The following CNTLN variants were observed in gnomAD, a reference collection of about 807,000 sequenced individuals.
CNTLN encodes centlein.
CNTLN carries 212 observed loss-of-function variants against 180.0 expected under a neutral mutation model. That is an observed-to-expected ratio of 1.18 (90% CI 1.05 to 1.32). CNTLN has a LOEUF of 1.32. Ranked by LOEUF, CNTLN falls within the 40% of genes most tolerant of loss-of-function variation. CNTLN has a pLI of 0.00. For synonymous variants in CNTLN, 722 were observed against 563.1 expected (o/e 1.28, Z -3.99); for missense variants, 2,095 against 1,610.9 (o/e 1.30, Z -5.14).
intron 7 of CNTLN, among the ~76,000 whole-genome samples, chr9:17,308,368 C>T (rs1408463423): frequency 6.6e-6 from 1 of 152,198 alleles, no homozygotes; most frequent in Admixed American, 6.5e-5. Flanking sequence ...ACAAATCCAT[C>T]CTCTTAATCC....
intron 18 of CNTLN, among the ~76,000 whole-genome samples, chr9:17,443,950 A>T (rs1351681409): frequency 6.6e-6 from 1 of 152,218 alleles, no homozygotes; most frequent in African/African-American, 2.4e-5. Context: ...TTTGGTCAAC[A>T]GTGTCAGATC....
At chr9:17,499,206 C>G (rs1588121213) in intron 25 of CNTLN, among the ~76,000 whole-genome samples, 1 of 152,126 alleles carries the variant, frequency 6.6e-6, no homozygotes, top group South Asian at 2.1e-4. Flanking sequence ...GAGCTACATG[C>G]TGAGAATTGA....
In CNTLN at chr9:17,502,559, T is replaced by A; in HGVS notation, c.4128T>A (p.Phe1376Leu). 7.2e-7 allele frequency: 1 copy of A among 1,380,686 alleles called. No homozygotes were observed. Among genetic ancestry groups the A allele is most frequent in the Non-Finnish European group, 9.9e-7 (1 of 1,007,694 alleles). The allele number at this position is 1,380,686 out of a possible 1,614,324, so 85.5% of individuals were successfully genotyped here. A position where few individuals can be genotyped will look rare whatever the true frequency, so the allele number is the denominator to read the frequency against. Residue 1376 changes from phenylalanine to leucine, a missense_variant, in exon 26 of 26, where the codon TTT becomes TTA. Transcript: ENST00000380647. Reference sequence around the variant, plus strand: ...TTGTGTTTCTTTTACAGCTTCCTTTTGCCTCATATTTACTAGAAGCAGTAC... The same window carrying A: ...TTGTGTTTCTTTTACAGCTTCCTTTAGCCTCATATTTACTAGAAGCAGTAC... The part of the protein sequence containing the change: ...IQKLLEGQLP[F>L]ASYLLEAVLE...
intron 12 of CNTLN, among the ~76,000 whole-genome samples, chr9:17,349,722 CTA>C (rs1424291300): frequency 6.6e-6 from 1 of 152,084 alleles, no homozygotes; most frequent in African/African-American, 2.4e-5. Context: ...CATATCATAA[CTA>C]TATTTTAATA....
intron 2 of CNTLN, among the ~76,000 whole-genome samples, chr9:17,225,893 T>G (rs917690501): frequency 3.3e-5 from 5 of 152,018 alleles, no homozygotes; most frequent in African/African-American, 1.2e-4. Context: ...ATATGAAAGC[T>G]TAAATTAACA....
intron 9 of CNTLN, among the ~76,000 whole-genome samples, chr9:17,331,046 T>G (rs1022410787): frequency 5.9e-5 from 9 of 152,110 alleles, no homozygotes; most frequent in African/African-American, 1.9e-4. Flanking sequence ...CTATACCCAT[T>G]TTGTCAGTAA....
intron 6 of CNTLN, among the ~76,000 whole-genome samples, chr9:17,274,888 G>T (rs1385111798): frequency 6.6e-6 from 1 of 151,944 alleles, no homozygotes; most frequent in Non-Finnish European, 1.5e-5. Context: ...AATTTAGTTT[G>T]GATGAAAACT....
chr9:17,485,918 C>T (rs1016165396), intron 24 of CNTLN, among the ~76,000 whole-genome samples: 1 of 152,042 alleles, frequency 6.6e-6, no homozygotes, highest in Non-Finnish European at 1.5e-5. Flanking sequence ...CTTGATAGCC[C>T]CAAAGACTAG....
intron 10 of CNTLN, among the ~76,000 whole-genome samples, chr9:17,333,463 A>T (rs1393387108): frequency 6.6e-6 from 1 of 152,100 alleles, no homozygotes. Flanking sequence ...AAGTAGTTTT[A>T]TGATATTCTG....
intron 2 of CNTLN, among the ~76,000 whole-genome samples, chr9:17,144,110 T>G (rs916441688): frequency 2.0e-5 from 3 of 152,216 alleles, no homozygotes; most frequent in Non-Finnish European, 4.4e-5. Flanking sequence ...AAAATCTGAA[T>G]ATCATTTTTT....
At chr9:17,370,800 C>G (rs1334495940) in intron 13 of CNTLN, among the ~76,000 whole-genome samples, 2 of 151,870 alleles carry the variant, frequency 1.3e-5, no homozygotes, top group African/African-American at 4.8e-5. Flanking sequence ...ACAGGCTGGA[C>G]AAAGTTAAAT....
intron 2 of CNTLN, chr9:17,166,872 A>G (rs1261774922): frequency 2.2e-6 from 1 of 460,814 alleles, no homozygotes; most frequent in Non-Finnish European, 4.5e-6. Flanking sequence ...AAAAAGATAA[A>G]AAGTTGGGAT....
chr9:17,526,160 C>T, the CNTLN span, among the ~76,000 whole-genome samples: 1 of 152,144 alleles, frequency 6.6e-6, no homozygotes, highest in Admixed American at 6.5e-5. Context: ...TGGTCTCGAT[C>T]TCCTGACCTT....
chr9:17,483,392 T>C (rs1421688139), intron 23 of CNTLN, among the ~76,000 whole-genome samples: 1 of 152,210 alleles, frequency 6.6e-6, no homozygotes, highest in African/African-American at 2.4e-5. Context: ...AGAACAGGGA[T>C]AGAATTAAGT....
At chr9:17,271,071 C>G (rs1249279749) in intron 5 of CNTLN, among the ~76,000 whole-genome samples, 2 of 151,488 alleles carry the variant, frequency 1.3e-5, no homozygotes, top group East Asian at 3.9e-4. Flanking sequence ...CTGCCTCAGC[C>G]TCCGGAGTAG....
chr9:17,419,161 T>C (rs551088119), intron 18 of CNTLN, among the ~76,000 whole-genome samples: 1 of 152,258 alleles, frequency 6.6e-6, no homozygotes, highest in Admixed American at 6.5e-5. Flanking sequence ...TCTAAAGATA[T>C]GTGTTACATA....
At chr9:17,213,135 T>C (rs145557755) in intron 2 of CNTLN, among the ~76,000 whole-genome samples, 2,047 of 152,316 alleles carry the variant, frequency 0.013, 51 homozygotes, top group African/African-American at 0.047. Flanking sequence ...CTAGTTCTTT[T>C]AATTGTGATG....
intron 5 of CNTLN, among the ~76,000 whole-genome samples, chr9:17,255,911 C>A (rs535842918): frequency 8.6e-5 from 13 of 151,728 alleles, no homozygotes; most frequent in Admixed American, 3.3e-4. Context: ...TATATACTTC[C>A]TTTGGATTAT....
rs10114040 is a variant in CNTLN at position 17,407,100 on chromosome 9, C to T, written c.2616-2193C>T. Among the ~76,000 whole-genome samples, 1,244 of 152,208 alleles carry T rather than the reference C, an allele frequency of 8.2e-3. 14 individuals carry two copies. Among genetic ancestry groups the T allele is most frequent in the African/African-American group, 0.028 (1,148 of 41,530 alleles). The stretch of plus-strand genomic sequence containing the variant: ...TATTCTGATTCAGAAATAATGAATT[C>T]TGGGATACTGAAATAACTTGTAGAT... On this transcript the variant is annotated intron_variant, in intron 15 of 25. Coordinates refer to ENST00000380647, the MANE Select transcript of CNTLN (RefSeq NM_017738.4).
Sources: allele counts gnomAD v4.1 joint callset (sites outside exome capture counted in the v4.1 genomes callset), GRCh38; gene constraint gnomAD v4.1.1; transcripts MANE v1.5; gene names NCBI Gene and HGNC (gene_info 2026-07-23, HGNC 2026-07-21).